Variants in ZNF655 observed in about 807,000 individuals in gnomAD.
ZNF655 encodes the protein zinc finger protein 655.
ZNF655 carries 3 observed loss-of-function variants against 6.6 expected under a neutral mutation model. That is an observed-to-expected ratio of 0.46 (90% CI 0.21 to 1.18). ZNF655 has a LOEUF of 1.18. Among genes scored for constraint, ZNF655 ranks in the 50% most tolerant of loss-of-function variants. The probability of loss-of-function intolerance (pLI) is 0.24; values close to 1 mark genes in which losing one functional copy is unlikely to be tolerated. For missense variants in ZNF655, 526 were observed against 572.3 expected (o/e 0.92, Z 0.83); for synonymous variants, 178 against 195.0 (o/e 0.91, Z 0.73).
In ZNF655 at chr7:99,574,491, C is replaced by T. The variant is rs1408359226; in HGVS notation, c.*907C>T. The stretch of plus-strand genomic sequence containing the variant: ...CTCCTGGCCTCAAGCGATCCTCCCA[C>T]CTGTCCTCCCAAAGTGCTGGGGTTA... On this transcript the variant is annotated 3_prime_UTR_variant, in exon 3 of 3. Transcript: ENST00000252713. The T allele has an allele frequency of 2.0e-5, 3 of 152,200 alleles. No individual in the cohort carries two copies. Among genetic ancestry groups the T allele is most frequent in the Admixed American group, 6.5e-5 (1 of 15,288 alleles). The allele number at this position is 152,200 out of a possible 1,614,324, so 9.4% of individuals were successfully genotyped here. A position where few individuals can be genotyped will look rare whatever the true frequency, so the allele number is the denominator to read the frequency against.
intron 2 of ZNF655, 68 bp from the exon 3 acceptor site, chr7:99,572,177 C>G (rs1804138204): frequency 1.4e-6 from 2 of 1,468,032 alleles, no homozygotes; most frequent in Non-Finnish European, 1.8e-6. Flanking sequence ...GTTTTCTCAT[C>G]TGAGTTTTCT....
chr7:99,561,068 G>C (rs1299722491), intron 2 of ZNF655: 1 of 162,214 alleles, frequency 6.2e-6, no homozygotes, highest in Non-Finnish European at 1.3e-5. Flanking sequence ...TCTTTCCCCT[G>C]TTCCCTTCAC....
At position 99,574,353 on chromosome 7, in the gene ZNF655, T is replaced by C. The variant is rs1443757722; in HGVS notation, c.*769T>C. ...CAGTGACATTTTCTCATGGAGTTCC[T>C]TTATTTAATATGTATTCTAAGTAGG... On this transcript the variant is annotated 3_prime_UTR_variant, in exon 3 of 3. Coordinates refer to ENST00000252713, the MANE Select transcript of ZNF655 (RefSeq NM_138494.3). The C allele has an allele frequency of 6.6e-6, 1 of 152,230 alleles. No individual in the cohort carries two copies. Among genetic ancestry groups the C allele is most frequent in the East Asian group, 1.9e-4 (1 of 5,204 alleles). The allele number at this position is 152,230 out of a possible 1,614,324, so 9.4% of individuals were successfully genotyped here.
chr7:99,566,977 T>C (rs911562321), intron 2 of ZNF655, among the ~76,000 whole-genome samples: 2 of 152,158 alleles, frequency 1.3e-5, no homozygotes, highest in African/African-American at 4.8e-5. Flanking sequence ...TGGAGTGTGG[T>C]GGCACAATGT....
intron 2 of ZNF655, chr7:99,563,097 C>T (rs907580872): frequency 4.1e-5 from 17 of 417,222 alleles, no homozygotes; most frequent in African/African-American, 8.3e-5. Flanking sequence ...CCCACGTAAC[C>T]ACACCCAGGG....
intron 2 of ZNF655, 111 bp downstream of exon 2, chr7:99,560,806 C>T: frequency 7.2e-7 from 1 of 1,385,100 alleles, no homozygotes; most frequent in South Asian, 1.4e-5. Context: ...AGAACATGGT[C>T]CCTAGAGGGA....
At chr7:99,571,493 C>T (rs754142517) in intron 2 of ZNF655, 5 of 1,216,654 alleles carry the variant, frequency 4.1e-6, no homozygotes, top group South Asian at 1.6e-5. Context: ...TCAACTTGCC[C>T]CTTAACACAC....
rs144436348 is a variant in ZNF655 at position 99,566,625 on chromosome 7, A to G, written c.137-5620A>G. 5.2e-3 allele frequency among the ~76,000 whole-genome samples: 795 copies of G among 152,320 alleles called. 5 individuals are homozygous for G. Among genetic ancestry groups the G allele is most frequent in the African/African-American group, 0.017 (723 of 41,576 alleles). ...CAGGCTAGAATACAGTGGCATGATA[A>G]CAGCTCACTGCAGCCTGGACTTCCC... On this transcript the variant is annotated intron_variant, in intron 2 of 2. Coordinates refer to ENST00000252713, the MANE Select transcript of ZNF655 (RefSeq NM_138494.3).
rs774509106 is a variant in ZNF655 at position 99,572,225 on chromosome 7, C to T, written c.137-20C>T. ...AGGGTACAGATTACATTTGCATTTTCTATTTATATATTGTATCAGATGGAG... is the reference window on the plus strand; with the variant it reads ...AGGGTACAGATTACATTTGCATTTTTTATTTATATATTGTATCAGATGGAG... On this transcript the variant is annotated intron_variant, in intron 2 of 2. Transcript: ENST00000252713. The T allele has an allele frequency of 6.5e-7, 1 of 1,550,038 alleles. No individual in the cohort carries two copies. Among genetic ancestry groups the T allele is most frequent in the Non-Finnish European group, 8.7e-7 (1 of 1,154,356 alleles).
At chr7:99,567,179 T>A (rs1428920491) in intron 2 of ZNF655, among the ~76,000 whole-genome samples, 1 of 152,176 alleles carries the variant, frequency 6.6e-6, no homozygotes. Context: ...AGCCTTAAAA[T>A]CAAAAGGTTT....
intron 1 of ZNF655, among the ~76,000 whole-genome samples, chr7:99,559,597 G>A (rs1345905798): frequency 1.3e-5 from 2 of 151,980 alleles, no homozygotes; most frequent in Non-Finnish European, 2.9e-5. Flanking sequence ...GCACCAACTT[G>A]AGCCTCCAAA....
chr7:99,574,285 A>G lies in ZNF655; in HGVS notation c.*701A>G, dbSNP rs1358272337. 6.6e-6 allele frequency: 1 copy of G among 152,234 alleles called. No individual in the cohort carries two copies. The highest frequency in any genetic ancestry group is 1.5e-5 in the Non-Finnish European group (1 of 68,048). 9.4% of individuals were successfully genotyped at this position (152,234 alleles called of 1,614,324 possible). ...ATGAAATTGTTAATACATAGTCCCAATCTTTTTCATTGCACAAAAATCTAG... is the reference window on the plus strand; with the variant it reads ...ATGAAATTGTTAATACATAGTCCCAGTCTTTTTCATTGCACAAAAATCTAG... On this transcript the variant is annotated 3_prime_UTR_variant, in exon 3 of 3. Transcript: ENST00000252713.
intron 2 of ZNF655, chr7:99,571,917 CT>C: frequency 1.6e-6 from 1 of 640,640 alleles, no homozygotes; most frequent in Non-Finnish European, 2.6e-6. Context: ...GAGTTCCTTC[CT>C]TTTCCCTTCA....
chr7:99,561,425 A>G (rs988025966), intron 2 of ZNF655, among the ~76,000 whole-genome samples: 16 of 152,186 alleles, frequency 1.1e-4, no homozygotes, highest in African/African-American at 3.9e-4. Flanking sequence ...GAGGAAACAG[A>G]TGACCCTTTC....
At chr7:99,558,922 C>G (rs1411308636) in intron 1 of ZNF655, 135 bp downstream of exon 1, 1 of 152,280 alleles carries the variant, frequency 6.6e-6, no homozygotes, top group Non-Finnish European at 1.5e-5. Context: ...GGCCCGGGTG[C>G]GAGGAGGGCC....
intron 2 of ZNF655, chr7:99,564,524 T>C: frequency 1.0e-6 from 1 of 985,984 alleles, no homozygotes; most frequent in Non-Finnish European, 1.2e-6. Context: ...TTGCCTTTCC[T>C]GATTAAGTGT....
intron 2 of ZNF655, chr7:99,562,160 G>A: frequency 2.6e-6 from 2 of 772,140 alleles, no homozygotes; most frequent in East Asian, 3.0e-5. Context: ...AGTGCCATGA[G>A]CAAACTCTGT....
In ZNF655 at chr7:99,572,907, C is replaced by T. The variant is rs771340716; in HGVS notation, c.799C>T (p.Pro267Ser). The T allele has an allele frequency of 6.2e-7, 1 of 1,614,106 alleles. No individual in the cohort carries two copies. Among genetic ancestry groups the T allele is most frequent in the East Asian group, 2.2e-5 (1 of 44,870 alleles). Residue 267 changes from proline to serine, a missense_variant, in exon 3 of 3, where the codon CCT becomes TCT. By Grantham distance (74) the Pro-to-Ser change is moderately conservative. Coordinates refer to ENST00000252713, the MANE Select transcript of ZNF655 (RefSeq NM_138494.3). ...TAAAAGAATACACACTAGAGAAAAA[C>T]CTTACAAATGTGAAGCATCTGATAA... ...RHKRIHTREK[P>S]YKCEASDKSC...
Position 99,573,225 on chromosome 7 carries a change from A to G in ZNF655, c.1117A>G (p.Ile373Val), listed in dbSNP as rs748057224. 2 of 1,614,062 alleles carry G rather than the reference A, an allele frequency of 1.2e-6. No homozygotes were observed. The highest frequency in any genetic ancestry group is 1.3e-5 in the African/African-American group (1 of 74,938). The change falls in exon 3 of 3, where the codon ATT becomes GTT. Residue 373 changes from isoleucine to valine, a missense_variant. By Grantham distance (29) the Ile-to-Val change is conservative. Coordinates refer to ENST00000252713, the MANE Select transcript of ZNF655 (RefSeq NM_138494.3). ...GTTGGCCTATATTAAACAACAAGGA[A>G]TTCATTTCAGAGAAAAGCCCTATAC... is the stretch of plus-strand genomic sequence containing the variant. The part of the protein sequence containing the change: ...YGLAYIKQQG[I>V]HFREKPYTCS...
Sources: allele counts gnomAD v4.1 joint callset (sites outside exome capture counted in the v4.1 genomes callset), GRCh38; gene constraint gnomAD v4.1.1; transcripts MANE v1.5; gene names NCBI Gene and HGNC (gene_info 2026-07-23, HGNC 2026-07-21).